Variants in IL1RAPL1 observed in about 807,000 individuals in gnomAD.
IL1RAPL1 encodes interleukin 1 receptor accessory protein like 1.
IL1RAPL1 carries 3 observed loss-of-function variants against 48.4 expected under a neutral mutation model. That is an observed-to-expected ratio of 0.06 (90% CI 0.03 to 0.16). The LOEUF (loss-of-function observed/expected upper bound fraction) is 0.16, where lower values mean the gene tolerates loss of function less well. Among genes scored for constraint, IL1RAPL1 ranks in the 10% least tolerant of loss-of-function variants. The probability of loss-of-function intolerance (pLI) is 1.00; values close to 1 mark genes in which losing one functional copy is unlikely to be tolerated. For synonymous variants in IL1RAPL1, 185 were observed against 187.7 expected (o/e 0.99, Z 0.12); for missense variants, 349 against 530.6 (o/e 0.66, Z 3.36).
At chrX:28,644,164 G>A (rs1419206931) in intron 1 of IL1RAPL1, among the ~76,000 whole-genome samples, 1 of 111,202 alleles carries the variant, frequency 9.0e-6, no homozygotes, top group Non-Finnish European at 1.9e-5. Flanking sequence ...GATCCAGGGA[G>A]GACAGTGATC....
intron 5 of IL1RAPL1, among the ~76,000 whole-genome samples, chrX:29,652,057 G>A (rs1214744708): frequency 1.8e-5 from 2 of 111,489 alleles, no homozygotes; most frequent in South Asian, 3.7e-4. Flanking sequence ...TATTTTTAAT[G>A]GCAGTTTTTA....
At chrX:29,188,391 A>G (rs181422537) in intron 2 of IL1RAPL1, among the ~76,000 whole-genome samples, 5 of 111,519 alleles carry the variant, frequency 4.5e-5, no homozygotes, top group African/African-American at 1.6e-4. Flanking sequence ...ATCTGGAGGG[A>G]CAGAGAGTAA....
intron 6 of IL1RAPL1, among the ~76,000 whole-genome samples, chrX:29,802,819 A>ACG (rs1929980586): frequency 1.3e-5 from 1 of 77,056 alleles, no homozygotes; most frequent in African/African-American, 5.9e-5. Flanking sequence ...ATGTGTGTAT[A>ACG]TATATGTATA....
intron 3 of IL1RAPL1, among the ~76,000 whole-genome samples, chrX:29,290,369 G>A (rs764655308): frequency 8.9e-6 from 1 of 111,860 alleles, no homozygotes; most frequent in South Asian, 3.7e-4. Context: ...ATGGCAACAT[G>A]TCATGTTCTC....
intron 2 of IL1RAPL1, among the ~76,000 whole-genome samples, chrX:28,905,530 A>G (rs1923195385): frequency 8.9e-6 from 1 of 111,769 alleles, no homozygotes; most frequent in African/African-American, 3.2e-5. Flanking sequence ...TGGGGTGGGA[A>G]TGGAATGGTG....
At chrX:28,973,924 C>A (rs1445475776) in intron 2 of IL1RAPL1, among the ~76,000 whole-genome samples, 1 of 112,246 alleles carries the variant, frequency 8.9e-6, no homozygotes, top group East Asian at 2.8e-4. Context: ...ATAGTGTATC[C>A]TTTGGTTTAT....
intron 3 of IL1RAPL1, among the ~76,000 whole-genome samples, chrX:29,310,146 AAAC>A (rs1569282356): frequency 6.0e-5 from 6 of 100,224 alleles, no homozygotes; most frequent in African/African-American, 2.3e-4. Flanking sequence ...AAAAAAAAAA[AAAC>A]AAAAAAAGGG....
At chrX:29,600,686 TG>T (rs1923694607) in intron 5 of IL1RAPL1, among the ~76,000 whole-genome samples, 1 of 110,719 alleles carries the variant, frequency 9.0e-6, no homozygotes, top group South Asian at 3.9e-4. Context: ...GACCACCAGG[TG>T]GGGGGCAGGG....
chrX:28,839,003 C>G (rs1031392023), intron 2 of IL1RAPL1, among the ~76,000 whole-genome samples: 1 of 111,111 alleles, frequency 9.0e-6, no homozygotes, highest in African/African-American at 3.3e-5. Context: ...CTACATAATC[C>G]TGCATTTAAA....
chrX:29,418,489 G>A (rs1934251805), intron 5 of IL1RAPL1, among the ~76,000 whole-genome samples: 1 of 111,026 alleles, frequency 9.0e-6, no homozygotes, highest in South Asian at 3.8e-4. Flanking sequence ...TCATGTTTCT[G>A]TGTATCAACT....
chrX:28,809,001 A>C (rs1936761632), intron 2 of IL1RAPL1, among the ~76,000 whole-genome samples: 1 of 110,656 alleles, frequency 9.0e-6, no homozygotes, highest in African/African-American at 3.3e-5. Flanking sequence ...GAAACGTGCA[A>C]ATGAAAAGAG....
intron 6 of IL1RAPL1, among the ~76,000 whole-genome samples, chrX:29,866,753 GA>G (rs1426452622): frequency 9.3e-6 from 1 of 107,743 alleles, no homozygotes; most frequent in Non-Finnish European, 1.9e-5. Flanking sequence ...TTAACAAAGG[GA>G]CCAGTCTTGT....
chrX:28,812,190 GT>G (rs1372209444), intron 2 of IL1RAPL1, among the ~76,000 whole-genome samples: 1 of 110,638 alleles, frequency 9.0e-6, no homozygotes, highest in Non-Finnish European at 1.9e-5. Flanking sequence ...GCCTTTATTA[GT>G]TTTGTCCACA....
At chrX:29,752,514 A>AGACTT in intron 6 of IL1RAPL1, among the ~76,000 whole-genome samples, 1 of 108,651 alleles carries the variant, frequency 9.2e-6, no homozygotes, top group South Asian at 4.0e-4. Flanking sequence ...AAAAAAAAAA[A>AGACTT]GACTTGATAG....
At chrX:29,766,364 GATAGA>G (rs1928897098) in intron 6 of IL1RAPL1, among the ~76,000 whole-genome samples, 1 of 62,244 alleles carries the variant, frequency 1.6e-5, no homozygotes, top group East Asian at 5.0e-4. Flanking sequence ...TATATATATA[GATAGA>G]TAGATAGATA....
intron 5 of IL1RAPL1, among the ~76,000 whole-genome samples, chrX:29,488,249 C>T (rs1252010780): frequency 6.3e-5 from 7 of 111,642 alleles, no homozygotes; most frequent in Non-Finnish European, 9.4e-5. Flanking sequence ...ACCATCCTGG[C>T]GAACATGGTG....
chrX:28,860,822 G>C (rs772937333), intron 2 of IL1RAPL1, among the ~76,000 whole-genome samples: 1 of 110,988 alleles, frequency 9.0e-6, no homozygotes, highest in Non-Finnish European at 1.9e-5. Flanking sequence ...ATTTAACCAA[G>C]TTGTCCCTAG....
intron 5 of IL1RAPL1, among the ~76,000 whole-genome samples, chrX:29,576,863 A>G (rs1431709240): frequency 9.5e-6 from 1 of 105,246 alleles, no homozygotes; most frequent in East Asian, 3.0e-4. Context: ...TTGGTTTCTA[A>G]TATTGATTTA....
At chrX:29,671,539 C>T (rs1420596226) in intron 6 of IL1RAPL1, among the ~76,000 whole-genome samples, 1 of 112,412 alleles carries the variant, frequency 8.9e-6, no homozygotes, top group African/African-American at 3.2e-5. Flanking sequence ...AAAAAGAACA[C>T]TGTCCATTTA....
Sources: gnomAD v4.1 joint callset for allele counts (sites outside exome capture counted in the v4.1 genomes callset) on GRCh38, gnomAD v4.1.1 for gene constraint, MANE v1.5 for transcripts, NCBI Gene and HGNC (gene_info 2026-07-23, HGNC 2026-07-21) for gene names.